KIAA1958: variants seen among roughly 807,000 people sequenced by gnomAD.
KIAA1958 encodes KIAA1958.
A neutral mutation model predicts 47.2 loss-of-function variants in KIAA1958; 14 were observed. That is an observed-to-expected ratio of 0.30 (90% CI 0.20 to 0.46). The LOEUF (loss-of-function observed/expected upper bound fraction) is 0.46. Among genes scored for constraint, KIAA1958 ranks in the 20% least tolerant of loss-of-function variants. The pLI is 1.00. For synonymous variants in KIAA1958, 354 were observed against 353.3 expected (o/e 1.00, Z -0.02); for missense variants, 803 against 909.2 (o/e 0.88, Z 1.50).
chr9:112,540,990 G>A (rs951844423), intron 1 of KIAA1958, among the ~76,000 whole-genome samples: 11 of 152,020 alleles, frequency 7.2e-5, no homozygotes, highest in Admixed American at 2.6e-4. Flanking sequence ...AACATACTGG[G>A]ATTACAGGGG....
chr9:112,533,408 T>C (rs1173429714), intron 1 of KIAA1958, among the ~76,000 whole-genome samples: 2 of 102,486 alleles, frequency 2.0e-5, no homozygotes, highest in Non-Finnish European at 3.8e-5. Flanking sequence ...AACCCCACTC[T>C]ACTAAAAATA....
At chr9:112,514,872 CGCCCAGCCAGCCGCCCT>C (rs1834389874) in intron 1 of KIAA1958, among the ~76,000 whole-genome samples, 1 of 49,430 alleles carries the variant, frequency 2.0e-5, no homozygotes, top group African/African-American at 6.8e-5. Flanking sequence ...TCAGCCCCCC[CGCCCAGCCAGCCGCCCT>C]GTCCGGGAGG....
At chr9:112,538,496 AAAAC>A (rs1834891720) in intron 1 of KIAA1958, among the ~76,000 whole-genome samples, 1 of 152,224 alleles carries the variant, frequency 6.6e-6, no homozygotes, top group Non-Finnish European at 1.5e-5. Flanking sequence ...GTGAAAAACA[AAAAC>A]AAATTTCCTC....
intron 1 of KIAA1958, among the ~76,000 whole-genome samples, chr9:112,506,982 G>A: frequency 6.6e-6 from 1 of 152,068 alleles, no homozygotes; most frequent in Non-Finnish European, 1.5e-5. Context: ...CAACTTGAAG[G>A]TCACTTGGAA....
At chr9:112,562,965 T>A (rs910170200) in intron 1 of KIAA1958, among the ~76,000 whole-genome samples, 3 of 151,812 alleles carry the variant, frequency 2.0e-5, no homozygotes, top group Non-Finnish European at 2.9e-5. Flanking sequence ...CTAGCCTTTA[T>A]GAATGTGTTT....
chr9:112,552,632 T>C (rs749515888), intron 1 of KIAA1958, among the ~76,000 whole-genome samples: 2 of 152,196 alleles, frequency 1.3e-5, no homozygotes, highest in East Asian at 3.9e-4. Context: ...CAAGAAATCA[T>C]CAACATAGTG....
intron 1 of KIAA1958, among the ~76,000 whole-genome samples, chr9:112,543,975 A>G (rs1279840249): frequency 2.0e-5 from 3 of 152,140 alleles, no homozygotes; most frequent in Non-Finnish European, 4.4e-5. Context: ...TCATGGAACT[A>G]TCTATTTTCC....
intron 3 of KIAA1958, among the ~76,000 whole-genome samples, chr9:112,649,177 T>C (rs1251574165): frequency 6.6e-6 from 1 of 152,102 alleles, no homozygotes; most frequent in Non-Finnish European, 1.5e-5. Context: ...TTTTTTTATT[T>C]TGAGACAGAA....
At chr9:112,602,102 A>G (rs773396896) in intron 2 of KIAA1958, among the ~76,000 whole-genome samples, 1 of 152,224 alleles carries the variant, frequency 6.6e-6, no homozygotes, top group Non-Finnish European at 1.5e-5. Flanking sequence ...AGAAAACATA[A>G]TATGCAAGGA....
At chr9:112,518,634 G>A (rs765543744) in intron 1 of KIAA1958, among the ~76,000 whole-genome samples, 7 of 152,050 alleles carry the variant, frequency 4.6e-5, no homozygotes, top group Non-Finnish European at 8.8e-5. Context: ...GTGTATGTTC[G>A]TTTTTTCTAA....
chr9:112,605,241 G>A (rs1193417119), intron 2 of KIAA1958, among the ~76,000 whole-genome samples: 2 of 151,894 alleles, frequency 1.3e-5, no homozygotes, highest in Non-Finnish European at 2.9e-5. Context: ...CTGTTTCCTG[G>A]TTCTTTAATA....
intron 1 of KIAA1958, among the ~76,000 whole-genome samples, chr9:112,521,961 C>CTTTATTTA (rs146357893): frequency 0.16 from 23,402 of 146,518 alleles, 3,546 homozygotes; most frequent in African/African-American, 0.37. Flanking sequence ...TTTTAAATAA[C>CTTTATTTA]TTTATTTATT....
chr9:112,578,521 A>C (rs1353501957), intron 2 of KIAA1958, among the ~76,000 whole-genome samples: 2 of 152,188 alleles, frequency 1.3e-5, no homozygotes, highest in Admixed American at 1.3e-4. Context: ...ACAAATGACT[A>C]TTGAGTCAGC....
At chr9:112,513,602 G>T (rs1040053693) in intron 1 of KIAA1958, among the ~76,000 whole-genome samples, 1 of 132,122 alleles carries the variant, frequency 7.6e-6, no homozygotes. Context: ...CCGCTGCCGC[G>T]ACCGACCGCA....
intron 2 of KIAA1958, among the ~76,000 whole-genome samples, chr9:112,601,820 A>G (rs1472969510): frequency 6.6e-6 from 1 of 152,236 alleles, no homozygotes; most frequent in African/African-American, 2.4e-5. Flanking sequence ...GCATACATCC[A>G]AGAGAAATGA....
chr9:112,625,006 A>G (rs1270840132), intron 2 of KIAA1958, among the ~76,000 whole-genome samples: 1 of 102,898 alleles, frequency 9.7e-6, no homozygotes, highest in Non-Finnish European at 1.9e-5. Context: ...CAAATTCCCC[A>G]GAGGTCTCAT....
rs1399002357 is a variant in KIAA1958 at position 112,663,897 on chromosome 9, CAT to C, written c.*3830_*3831del. 1 of 152,220 alleles carries C rather than the reference CAT, an allele frequency of 6.6e-6. No individual in the cohort carries two copies. Among genetic ancestry groups the C allele is most frequent in the Non-Finnish European group, 1.5e-5 (1 of 68,046 alleles). 9.4% of individuals were successfully genotyped at this position (152,220 alleles called of 1,614,324 possible). A position where few individuals can be genotyped will look rare whatever the true frequency, so the allele number is the denominator to read the frequency against. ...ATGCCACACTCAGCATTTTCATAGA[CAT>C]AGTCATTAGGAGAATCTGGACAAAG... On this transcript the variant is annotated 3_prime_UTR_variant, in exon 4 of 4. Transcript: ENST00000337530.
At chr9:112,590,099 G>A (rs186281180) in intron 2 of KIAA1958, among the ~76,000 whole-genome samples, 7 of 152,252 alleles carry the variant, frequency 4.6e-5, no homozygotes, top group Non-Finnish European at 1.0e-4. Flanking sequence ...GTGGTCCCCT[G>A]ACCATTGGCA....
At chr9:112,590,459 C>T (rs182531735) in intron 2 of KIAA1958, among the ~76,000 whole-genome samples, 1 of 151,356 alleles carries the variant, frequency 6.6e-6, no homozygotes, top group Non-Finnish European at 1.5e-5. Flanking sequence ...TCAAGTGATT[C>T]TCCTGCCTCA....
Sources: gnomAD v4.1 joint callset for allele counts (sites outside exome capture counted in the v4.1 genomes callset) on GRCh38, gnomAD v4.1.1 for gene constraint, MANE v1.5 for transcripts, NCBI Gene and HGNC (gene_info 2026-07-23, HGNC 2026-07-21) for gene names.